DMD: variants seen among roughly 807,000 people sequenced by gnomAD.
The protein encoded by DMD is dystrophin.
Under a neutral mutation model 330.1 loss-of-function variants are expected in DMD, and 63 were observed. That is an observed-to-expected ratio of 0.19 (90% confidence interval 0.16 to 0.24). The LOEUF (loss-of-function observed/expected upper bound fraction) is 0.24, where lower values mean the gene tolerates loss of function less well. Among genes scored for constraint, DMD ranks in the 10% least tolerant of loss-of-function variants. The pLI is 1.00. For missense variants in DMD, 3,344 were observed against 2,684.1 expected, an observed-to-expected ratio of 1.25 and a Z score of -5.43; for synonymous variants, 1,223 against 959.8, an observed-to-expected ratio of 1.27 and a Z score of -5.07.
At chrX:32,473,214 C>A (rs1450333350) in intron 21 of DMD, among the ~76,000 whole-genome samples, 5 of 110,706 alleles carry the variant, frequency 4.5e-5, no homozygotes, top group Non-Finnish European at 3.8e-5. Context: ...ATTAAAAATA[C>A]AGTAAGTGAA....
chrX:33,021,236 A>C (rs776864766), intron 1 of DMD, among the ~76,000 whole-genome samples: 9 of 111,235 alleles, frequency 8.1e-5, no homozygotes, highest in Non-Finnish European at 1.3e-4. Flanking sequence ...AAAATTATTA[A>C]AAAACAGCTT....
chrX:31,372,667 A>G (rs948917494), intron 60 of DMD, among the ~76,000 whole-genome samples: 162 of 111,409 alleles, frequency 1.5e-3, no homozygotes, highest in African/African-American at 5.0e-3. Flanking sequence ...TTGATGGGAC[A>G]TATCTCAAAA....
At chrX:32,306,208 A>G (rs2097539644) in intron 42 of DMD, among the ~76,000 whole-genome samples, 1 of 111,305 alleles carries the variant, frequency 9.0e-6, no homozygotes, top group African/African-American at 3.3e-5. Flanking sequence ...AAGCACTTAG[A>G]ATAGTGTGTG....
At chrX:31,755,180 A>G (rs2088956122) in intron 51 of DMD, among the ~76,000 whole-genome samples, 1 of 111,599 alleles carries the variant, frequency 9.0e-6, no homozygotes. Flanking sequence ...TAATGAGCAA[A>G]ATGAATATTA....
At chrX:32,301,388 G>A (rs1413740240) in intron 42 of DMD, among the ~76,000 whole-genome samples, 3 of 109,857 alleles carry the variant, frequency 2.7e-5, no homozygotes, top group Non-Finnish European at 5.7e-5. Flanking sequence ...TTTGGGAATT[G>A]GTGTCTGTTA....
intron 18 of DMD, among the ~76,000 whole-genome samples, chrX:32,513,941 A>C (rs1404056693): frequency 8.9e-6 from 1 of 111,916 alleles, no homozygotes; most frequent in African/African-American, 3.3e-5. Flanking sequence ...CGAGGAAAGA[A>C]TTTCATGAGG....
At chrX:32,675,268 G>C (rs759093988) in intron 9 of DMD, among the ~76,000 whole-genome samples, 28 of 111,167 alleles carry the variant, frequency 2.5e-4, no homozygotes, top group Non-Finnish European at 5.1e-4. Context: ...TCACAGGCTT[G>C]CTATAAATCA....
intron 55 of DMD, among the ~76,000 whole-genome samples, chrX:31,566,588 G>A (rs2075476733): frequency 9.0e-6 from 1 of 111,566 alleles, no homozygotes; most frequent in African/African-American, 3.2e-5. Flanking sequence ...TGTGGCCTGT[G>A]ACTTTTCTTA....
chrX:31,923,658 C>T (rs1407063390), intron 47 of DMD, among the ~76,000 whole-genome samples: 2 of 97,857 alleles, frequency 2.0e-5, no homozygotes. Context: ...AGTATAGCGG[C>T]ATGATCTTGG....
intron 44 of DMD, among the ~76,000 whole-genome samples, chrX:32,195,021 G>C (rs990223953): frequency 4.5e-5 from 5 of 111,280 alleles, no homozygotes; most frequent in Non-Finnish European, 9.4e-5. Context: ...AATCTGGCAA[G>C]AGGGCAGAGG....
chrX:32,848,117 CAGG>C lies in DMD; in HGVS notation c.186+1608_186+1610del, dbSNP rs753637393. 2.1e-3 allele frequency among the ~76,000 whole-genome samples: 233 copies of C among 111,888 alleles called. 1 individual carries two copies. Among genetic ancestry groups the C allele is most frequent in the African/African-American group, 6.5e-3 (202 of 30,851 alleles). ...GGGAAATGACCAGAGGATTGCAACA[CAGG>C]AGAAGTGATCACGCAGATACCTGGA... On this transcript the variant is annotated intron_variant, in intron 3 of 78. Coordinates refer to ENST00000357033, the MANE Select transcript of DMD (RefSeq NM_004006.3).
intron 1 of DMD, among the ~76,000 whole-genome samples, chrX:33,203,453 G>A (rs1378461937): frequency 9.0e-6 from 1 of 111,136 alleles, no homozygotes; most frequent in African/African-American, 3.3e-5. Context: ...TTTCTACTAA[G>A]GCAACATTTT....
At chrX:31,463,103 A>G (rs2066636629) in intron 59 of DMD, among the ~76,000 whole-genome samples, 1 of 112,287 alleles carries the variant, frequency 8.9e-6, no homozygotes, top group Admixed American at 9.5e-5. Flanking sequence ...AAGAACATCA[A>G]AGAAATTTCA....
At chrX:32,652,491 A>T (rs985752947) in intron 9 of DMD, among the ~76,000 whole-genome samples, 82 of 109,877 alleles carry the variant, frequency 7.5e-4, no homozygotes, top group Non-Finnish European at 1.4e-3. Flanking sequence ...GCTGCATAGT[A>T]TTTCATGGTG....
At position 32,490,236 on chromosome X, in the gene DMD, C is replaced by A. The variant is rs759824216; in HGVS notation, c.2622+1041G>T. ...TAAATGTAATCATCTCGATCTATCACTAAACGTTCATCCTGGAAACGTTTT... is the reference window on the plus strand; with the variant it reads ...TAAATGTAATCATCTCGATCTATCAATAAACGTTCATCCTGGAAACGTTTT... On this transcript the variant is annotated intron_variant, in intron 20 of 78. Coordinates refer to ENST00000357033, the MANE Select transcript of DMD (RefSeq NM_004006.3). Among the ~76,000 whole-genome samples the A allele has an allele frequency of 9.8e-5, 11 of 112,053 alleles. No homozygotes were observed. The South Asian group carries it at 3.7e-3, about 38-fold the overall frequency.
chrX:33,082,257 AG>A (rs1461498527), intron 1 of DMD, among the ~76,000 whole-genome samples: 2 of 112,280 alleles, frequency 1.8e-5, no homozygotes, highest in African/African-American at 6.5e-5. Flanking sequence ...TCTTTAAAAA[AG>A]AAATTCTTTT....
intron 2 of DMD, among the ~76,000 whole-genome samples, chrX:32,933,424 G>C (rs1320193882): frequency 9.0e-6 from 1 of 111,724 alleles, no homozygotes; most frequent in Admixed American, 9.5e-5. Flanking sequence ...TGATTTAAAT[G>C]AACTGTAGGA....
chrX:33,136,642 G>C (rs977756147), intron 1 of DMD, among the ~76,000 whole-genome samples: 3 of 110,297 alleles, frequency 2.7e-5, no homozygotes, highest in African/African-American at 9.9e-5. Context: ...GAGGCCAAGG[G>C]AACTTGTTTG....
chrX:32,630,092 C>T (rs2058634905), intron 11 of DMD, among the ~76,000 whole-genome samples: 1 of 111,541 alleles, frequency 9.0e-6, no homozygotes, highest in African/African-American at 3.3e-5. Context: ...TGAAGAACGC[C>T]CTTTACCATT....
Sources: gnomAD v4.1 joint callset for allele counts (sites outside exome capture counted in the v4.1 genomes callset) on GRCh38, gnomAD v4.1.1 for gene constraint, MANE v1.5 for transcripts, NCBI Gene and HGNC (gene_info 2026-07-23, HGNC 2026-07-21) for gene names.